Variants in SHISA9 observed in about 807,000 individuals in gnomAD.
SHISA9 encodes the protein protein shisa-9.
SHISA9 carries 13 observed loss-of-function variants against 38.0 expected under a neutral mutation model. The ratio of observed to expected loss-of-function variants is 0.34; its 90% CI spans 0.22 to 0.54. The LOEUF (loss-of-function observed/expected upper bound fraction) is 0.54. SHISA9 is among the 20% of genes least tolerant of loss of function. The pLI, the probability that SHISA9 is intolerant of heterozygous loss-of-function variation, is 0.91. For missense variants in SHISA9, 538 were observed against 575.8 expected, an observed-to-expected ratio of 0.93 and a Z score of 0.67; for synonymous variants, 275 against 242.0, an observed-to-expected ratio of 1.14 and a Z score of -1.27.
chr16:12,980,680 T>TA (rs1184663863), intron 2 of SHISA9, among the ~76,000 whole-genome samples: 1 of 152,058 alleles, frequency 6.6e-6, no homozygotes, highest in African/African-American at 2.4e-5. Flanking sequence ...CTGGGAGTCT[T>TA]ATTATTTTGA....
intron 4 of SHISA9, among the ~76,000 whole-genome samples, chr16:13,225,112 T>C (rs2051266301): frequency 6.6e-6 from 1 of 151,916 alleles, no homozygotes; most frequent in African/African-American, 2.4e-5. Context: ...CACACACACA[T>C]ACACACACAT....
At chr16:13,487,711 A>C in the SHISA9 span, among the ~76,000 whole-genome samples, 1 of 152,240 alleles carries the variant, frequency 6.6e-6, no homozygotes, top group Non-Finnish European at 1.5e-5. Context: ...ACATAATGTA[A>C]ATGCTATGTA....
At chr16:13,452,905 G>GCTTTT in the SHISA9 span, among the ~76,000 whole-genome samples, 12 of 151,398 alleles carry the variant, frequency 7.9e-5, no homozygotes, top group African/African-American at 4.9e-5. Flanking sequence ...ACATTGTATA[G>GCTTTT]CTTTTCTTTT....
chr16:13,190,813 G>T (rs1362980084), intron 2 of SHISA9, among the ~76,000 whole-genome samples: 2 of 151,964 alleles, frequency 1.3e-5, no homozygotes, highest in African/African-American at 2.4e-5. Context: ...CATCCTAAAT[G>T]GTTCAAATTT....
chr16:12,980,745 T>A (rs2072229862), intron 2 of SHISA9, among the ~76,000 whole-genome samples: 1 of 152,022 alleles, frequency 6.6e-6, no homozygotes, highest in Non-Finnish European at 1.5e-5. Flanking sequence ...TTTTTTCTAT[T>A]TTTTTAGTCA....
the SHISA9 span, among the ~76,000 whole-genome samples, chr16:13,301,987 A>G: frequency 6.6e-6 from 1 of 152,164 alleles, no homozygotes; most frequent in African/African-American, 2.4e-5. Context: ...CAATTTTACT[A>G]TTGCAGAGAG....
At chr16:12,973,255 CT>C (rs1195213807) in intron 2 of SHISA9, among the ~76,000 whole-genome samples, 2 of 152,202 alleles carry the variant, frequency 1.3e-5, no homozygotes, top group Non-Finnish European at 2.9e-5. Flanking sequence ...TCCTTTTGCC[CT>C]TCTTTTCCTT....
chr16:13,130,835 T>C (rs1302654989), intron 2 of SHISA9, among the ~76,000 whole-genome samples: 1 of 152,198 alleles, frequency 6.6e-6, no homozygotes, highest in Non-Finnish European at 1.5e-5. Flanking sequence ...TTTATTTACA[T>C]ATGTTTGTTG....
chr16:12,944,662 T>G (rs2071666099), intron 2 of SHISA9, among the ~76,000 whole-genome samples: 1 of 152,180 alleles, frequency 6.6e-6, no homozygotes, highest in East Asian at 1.9e-4. Flanking sequence ...TCTTGGAGCC[T>G]AAGTTCTCTA....
At chr16:13,487,885 G>A in the SHISA9 span, among the ~76,000 whole-genome samples, 4 of 152,178 alleles carry the variant, frequency 2.6e-5, no homozygotes, top group Non-Finnish European at 5.9e-5. Context: ...GACAGTTTGG[G>A]TTGGGCCAAT....
chr16:13,104,117 T>A (rs1228247831), intron 2 of SHISA9, among the ~76,000 whole-genome samples: 1 of 152,160 alleles, frequency 6.6e-6, no homozygotes, highest in African/African-American at 2.4e-5. Flanking sequence ...TTCTTCTTCA[T>A]CCCCAGCTAA....
chr16:13,107,612 G>T (rs564075945), intron 2 of SHISA9, among the ~76,000 whole-genome samples: 1 of 152,174 alleles, frequency 6.6e-6, no homozygotes, highest in South Asian at 2.1e-4. Flanking sequence ...AGGCTCTTCA[G>T]GGGGAAGCAG....
rs192462098 is a variant in SHISA9, at chr16:12,908,656, A to G, written c.563+6029A>G. The G allele has an allele frequency of 2.2e-5, 34 of 1,546,428 alleles. No individual in the cohort carries two copies. In the East Asian group the frequency reaches 8.1e-4, roughly 37 times the overall value. ...GCAGGAATTCCAGACTTCTCAGATC[A>G]CAGAGAAGTACGCGATGCCCTGCAA... On this transcript the variant is annotated intron_variant, in intron 1 of 4. Transcript: ENST00000558583.
chr16:13,186,297 T>C (rs111474905), intron 2 of SHISA9, among the ~76,000 whole-genome samples: 11 of 99,284 alleles, frequency 1.1e-4, no homozygotes, highest in African/African-American at 2.3e-4. Context: ...CCTTTTTTTT[T>C]TTTTTTTTTT....
chr16:13,140,881 GA>G (rs1456860416), intron 2 of SHISA9, among the ~76,000 whole-genome samples: 1 of 152,214 alleles, frequency 6.6e-6, no homozygotes, highest in Non-Finnish European at 1.5e-5. Flanking sequence ...CAAAGTCACA[GA>G]GCATGTCTGG....
chr16:12,931,388 G>C (rs1025657628), intron 2 of SHISA9, among the ~76,000 whole-genome samples: 1 of 152,194 alleles, frequency 6.6e-6, no homozygotes, highest in Non-Finnish European at 1.5e-5. Flanking sequence ...CACCCAGGTG[G>C]TGAGCATAGT....
chr16:13,243,250 A>G (rs920936032), downstream of SHISA9, among the ~76,000 whole-genome samples: 7 of 150,844 alleles, frequency 4.6e-5, no homozygotes, highest in Non-Finnish European at 8.9e-5. Flanking sequence ...CAAAAAAAAA[A>G]AAAGAAAGAA....
chr16:13,512,704 A>C, the SHISA9 span, among the ~76,000 whole-genome samples: 1 of 152,154 alleles, frequency 6.6e-6, no homozygotes, highest in Non-Finnish European at 1.5e-5. Flanking sequence ...AAATAACACC[A>C]CACATCTACA....
rs576533952 is a variant in SHISA9, at chr16:13,071,140, CAG to C, written c.692-132250_692-132249del. 4.1e-3 allele frequency among the ~76,000 whole-genome samples: 625 copies of C among 152,270 alleles called. 3 individuals carry two copies. The highest frequency in any genetic ancestry group is 0.014 in the African/African-American group (596 of 41,548). ...ACAACAATGTGAATGTATTTAATGA[CAG>C]AGAACCGTGCCCTTAAAAATCGTCA... On this transcript the variant is annotated intron_variant, in intron 2 of 4. Coordinates refer to ENST00000558583, the MANE Select transcript of SHISA9 (RefSeq NM_001145204.3).
Sources: gnomAD v4.1 joint callset for allele counts (sites outside exome capture counted in the v4.1 genomes callset) on GRCh38, gnomAD v4.1.1 for gene constraint, MANE v1.5 for transcripts, NCBI Gene and HGNC (gene_info 2026-07-23, HGNC 2026-07-21) for gene names.